Variants in CCSER1 observed in about 807,000 individuals in gnomAD.
The protein encoded by CCSER1 is serine-rich coiled-coil domain-containing protein 1.
In CCSER1, 41 loss-of-function variants were observed where a neutral mutation model predicts 82.0. The ratio of observed to expected loss-of-function variants is 0.50; its 90% confidence interval spans 0.39 to 0.65. CCSER1 has a LOEUF of 0.65. Ranked by LOEUF, CCSER1 falls within the 30% of genes least tolerant of loss-of-function variation. The probability of loss-of-function intolerance (pLI) is 0.00; values close to 1 mark genes in which losing one functional copy is unlikely to be tolerated. For synonymous variants in CCSER1, 414 were observed against 383.9 expected, an observed-to-expected ratio of 1.08 and a Z score of -0.92; for missense variants, 1,119 against 1,064.2, an observed-to-expected ratio of 1.05 and a Z score of -0.72.
intron 10 of CCSER1, among the ~76,000 whole-genome samples, chr4:91,286,216 C>T (rs1743263610): frequency 6.6e-6 from 1 of 151,760 alleles, no homozygotes; most frequent in Admixed American, 6.6e-5. Flanking sequence ...TCTACAATGA[C>T]AGGATTCACT....
intron 1 of CCSER1, among the ~76,000 whole-genome samples, chr4:90,228,266 C>T (rs1743641886): frequency 6.6e-6 from 1 of 152,166 alleles, no homozygotes; most frequent in South Asian, 2.1e-4. Context: ...CAGCACGCAG[C>T]TGGAGATCTG....
chr4:90,653,120 A>C (rs1729079526), intron 6 of CCSER1, among the ~76,000 whole-genome samples: 1 of 152,142 alleles, frequency 6.6e-6, no homozygotes, highest in South Asian at 2.1e-4. Context: ...TTTGGTAATA[A>C]GAGTTCCTAT....
At chr4:91,463,977 A>G (rs182194790) in intron 10 of CCSER1, among the ~76,000 whole-genome samples, 1,992 of 152,344 alleles carry the variant, frequency 0.013, 22 homozygotes, top group Non-Finnish European at 0.021. Context: ...AGGCAGGCCA[A>G]CATTCAAATT....
intron 10 of CCSER1, among the ~76,000 whole-genome samples, chr4:91,144,502 C>G (rs1006491309): frequency 1.3e-5 from 2 of 151,524 alleles, no homozygotes; most frequent in Non-Finnish European, 3.0e-5. Context: ...CTTATGGTAC[C>G]TTTGGGGCTA....
At chr4:90,508,847 T>C (rs1771083946) in intron 5 of CCSER1, among the ~76,000 whole-genome samples, 1 of 152,092 alleles carries the variant, frequency 6.6e-6, no homozygotes, top group South Asian at 2.1e-4. Context: ...GAAATAACTT[T>C]ATCTTAAAGG....
chr4:91,247,301 CA>C (rs36047203), intron 10 of CCSER1, among the ~76,000 whole-genome samples: 55,410 of 114,126 alleles, frequency 0.49, 10,983 homozygotes, highest in African/African-American at 0.62. Context: ...GACTCCGTCT[CA>C]AAAAAAAAAA....
At chr4:91,150,159 C>T (rs954069230) in intron 10 of CCSER1, among the ~76,000 whole-genome samples, 1 of 152,238 alleles carries the variant, frequency 6.6e-6, no homozygotes, top group East Asian at 1.9e-4. Context: ...TTTCGTTGAG[C>T]AGTGGTTTGT....
rs1216756776 is a variant in CCSER1 at position 91,560,132 on chromosome 4, G to GA, written c.2218-38432dup. Among the ~76,000 whole-genome samples the GA allele has an allele frequency of 5.3e-5, 8 of 150,678 alleles. 1 individual carries two copies. In the South Asian group the frequency reaches 6.2e-4, roughly 12 times the overall value. On this transcript the variant is annotated intron_variant, in intron 10 of 10. Transcript: ENST00000509176. ...AGGTAATAAAATATGTTGCTTTATTGAAAAAAAAGTCCCATTTTCATCACT... is the reference window on the plus strand; with the variant it reads ...AGGTAATAAAATATGTTGCTTTATTGAAAAAAAAAGTCCCATTTTCATCACT...
rs569117562 is a variant in CCSER1 at position 91,327,389 on chromosome 4, G to A, written c.2217+241395G>A. On this transcript the variant is annotated intron_variant, in intron 10 of 10. Transcript: ENST00000509176. The stretch of plus-strand genomic sequence containing the variant: ...AAGCAATGGTTGGAGCTGCACCTTG[G>A]TCCCTTTTAGCCATGGCTGGAGCTG... 8.9e-4 allele frequency among the ~76,000 whole-genome samples: 135 copies of A among 152,278 alleles called. 2 individuals are homozygous for A. The highest frequency in any genetic ancestry group is 3.2e-3 in the African/African-American group (131 of 41,574).
At chr4:91,015,604 A>C (rs1739359247) in intron 9 of CCSER1, 1 of 151,844 alleles carries the variant, frequency 6.6e-6, no homozygotes, top group African/African-American at 2.4e-5. Context: ...TTATTATGTA[A>C]ATTAATTTTT....
chr4:91,497,285 A>G (rs1578624860), intron 10 of CCSER1, among the ~76,000 whole-genome samples: 1 of 151,712 alleles, frequency 6.6e-6, no homozygotes, highest in Non-Finnish European at 1.5e-5. Context: ...CAGTATGAAC[A>G]CTTCTGCTAA....
intron 5 of CCSER1, among the ~76,000 whole-genome samples, chr4:90,584,856 T>G (rs923233596): frequency 6.6e-6 from 1 of 152,116 alleles, no homozygotes; most frequent in East Asian, 1.9e-4. Context: ...ATCTTTTTTT[T>G]AAAAAAAGCA....
chr4:90,294,226 G>A (rs1381346726), intron 1 of CCSER1, among the ~76,000 whole-genome samples: 1 of 151,882 alleles, frequency 6.6e-6, no homozygotes, highest in Non-Finnish European at 1.5e-5. Context: ...ATAAAAAATA[G>A]TCTTGCCGGG....
At chr4:90,890,986 C>T (rs1367509698) in intron 8 of CCSER1, among the ~76,000 whole-genome samples, 1 of 151,998 alleles carries the variant, frequency 6.6e-6, no homozygotes, top group Non-Finnish European at 1.5e-5. Context: ...CCATAAGAGA[C>T]TATAGTTACA....
intron 7 of CCSER1, among the ~76,000 whole-genome samples, chr4:90,777,581 T>A (rs949162146): frequency 6.6e-6 from 1 of 152,152 alleles, no homozygotes; most frequent in Non-Finnish European, 1.5e-5. Context: ...ATCTATATAC[T>A]TAACTGTGTG....
chr4:90,616,736 CACAAAT>C (rs1721340371), intron 5 of CCSER1, among the ~76,000 whole-genome samples: 3 of 60,420 alleles, frequency 5.0e-5, no homozygotes, highest in East Asian at 5.3e-4. Context: ...CACACACACA[CACAAAT>C]AAAATAAAAT....
chr4:90,828,473 A>C (rs564014023), intron 8 of CCSER1, among the ~76,000 whole-genome samples: 1 of 152,332 alleles, frequency 6.6e-6, no homozygotes, highest in Non-Finnish European at 1.5e-5. Context: ...TCTTCTGATT[A>C]AATATTTTAC....
intron 8 of CCSER1, among the ~76,000 whole-genome samples, chr4:90,902,252 T>C (rs181606613): frequency 6.6e-6 from 1 of 152,036 alleles, no homozygotes; most frequent in African/African-American, 2.4e-5. Context: ...CACACTGAAT[T>C]TCCTGGAAAT....
At chr4:91,265,033 A>G (rs1014159942) in intron 10 of CCSER1, among the ~76,000 whole-genome samples, 1 of 152,154 alleles carries the variant, frequency 6.6e-6, no homozygotes, top group Admixed American at 6.5e-5. Flanking sequence ...AGAATTTTTT[A>G]TATTGATTTT....
Sources: gnomAD v4.1 joint callset for allele counts (sites outside exome capture counted in the v4.1 genomes callset) on GRCh38, gnomAD v4.1.1 for gene constraint, MANE v1.5 for transcripts, NCBI Gene and HGNC (gene_info 2026-07-23, HGNC 2026-07-21) for gene names.